FASTKD2: variants seen among roughly 807,000 people sequenced by gnomAD.
FASTKD2 encodes the protein FAST kinase domain-containing protein 2, mitochondrial.
A neutral mutation model predicts 63.6 loss-of-function variants in FASTKD2; 51 were observed. The ratio of observed to expected loss-of-function variants is 0.80; its 90% CI spans 0.64 to 1.01. FASTKD2 has a LOEUF of 1.01. Among genes scored for constraint, FASTKD2 ranks in the 50% least tolerant of loss-of-function variants. FASTKD2 has a pLI of 0.00. For missense variants in FASTKD2, 786 were observed against 831.1 expected (o/e 0.95, Z 0.67); for synonymous variants, 284 against 293.4 (o/e 0.97, Z 0.33).
At chr2:206,784,821 T>C (rs546250427) in intron 7 of FASTKD2, among the ~76,000 whole-genome samples, 1 of 152,358 alleles carries the variant, frequency 6.6e-6, no homozygotes, top group South Asian at 2.1e-4. Flanking sequence ...GCCAAGCACC[T>C]GGACACTTAG....
At position 206,795,436 on chromosome 2, in the gene FASTKD2, G is replaced by T. The variant is rs1574680450; in HGVS notation, c.*3634G>T. Among the ~76,000 whole-genome samples the T allele has an allele frequency of 6.6e-6, 1 of 152,212 alleles. No homozygotes were observed. The highest frequency in any genetic ancestry group is 1.5e-5 in the Non-Finnish European group (1 of 68,030). The stretch of plus-strand genomic sequence containing the variant: ...TTTAGCAGAAACAGGGTTTCACCAT[G>T]TTAGCCAGGATGGTCTCGATCTCCT... On this transcript the variant is annotated 3_prime_UTR_variant, in exon 12 of 12. Coordinates refer to ENST00000402774, the MANE Select transcript of FASTKD2 (RefSeq NM_001136193.2).
intron 10 of FASTKD2, 191 bp from the exon 11 acceptor site, chr2:206,790,381 G>T (rs374530696): frequency 4.7e-5 from 26 of 552,474 alleles, no homozygotes; most frequent in East Asian, 2.5e-4. Context: ...GTATATTTTT[G>T]ATTTATAAAG....
chr2:206,782,565 C>G (rs1218611412), intron 7 of FASTKD2, among the ~76,000 whole-genome samples: 1 of 152,164 alleles, frequency 6.6e-6, no homozygotes, highest in Non-Finnish European at 1.5e-5. Context: ...TCTTTCATAC[C>G]TCTGCTTTCT....
intron 7 of FASTKD2, among the ~76,000 whole-genome samples, chr2:206,777,834 A>T (rs1250025487): frequency 6.6e-6 from 1 of 151,948 alleles, no homozygotes; most frequent in Non-Finnish European, 1.5e-5. Flanking sequence ...CTTATTCATT[A>T]TTGGTTTGTT....
At chr2:206,786,157 G>C (rs749376511) in intron 7 of FASTKD2, among the ~76,000 whole-genome samples, 2 of 152,098 alleles carry the variant, frequency 1.3e-5, no homozygotes, top group Non-Finnish European at 2.9e-5. Flanking sequence ...GTGTCACTCT[G>C]GGCAAGCGAC....
At chr2:206,780,178 ATTTG>A (rs779350343) in intron 7 of FASTKD2, among the ~76,000 whole-genome samples, 156 of 152,188 alleles carry the variant, frequency 1.0e-3, no homozygotes, top group Non-Finnish European at 1.0e-3. Context: ...CATATCCTAT[ATTTG>A]TTTATGTATT....
At chr2:206,782,154 A>G (rs1466328501) in intron 7 of FASTKD2, among the ~76,000 whole-genome samples, 2 of 152,130 alleles carry the variant, frequency 1.3e-5, no homozygotes, top group African/African-American at 4.8e-5. Context: ...CAGCACAGTG[A>G]AAAGCCGGAT....
At chr2:206,784,093 A>G (rs1490651999) in intron 7 of FASTKD2, among the ~76,000 whole-genome samples, 1 of 152,268 alleles carries the variant, frequency 6.6e-6, no homozygotes, top group Admixed American at 6.5e-5. Flanking sequence ...AATATGGCAG[A>G]TATAGCAAGA....
intron 11 of FASTKD2, chr2:206,791,298 GTCT>G (rs1690279600): frequency 4.5e-6 from 1 of 221,250 alleles, no homozygotes; most frequent in South Asian, 6.9e-5. Flanking sequence ...AACATTCCAA[GTCT>G]TCTATTATTA....
At chr2:206,791,384 T>C in intron 11 of FASTKD2, 1 of 331,028 alleles carries the variant, frequency 3.0e-6, no homozygotes, top group Non-Finnish European at 5.6e-6. Flanking sequence ...AGTGGGCTAC[T>C]ATTTAAGACT....
intron 1 of FASTKD2, among the ~76,000 whole-genome samples, chr2:206,765,990 A>G (rs933391001): frequency 6.6e-6 from 1 of 151,968 alleles, no homozygotes; most frequent in African/African-American, 2.4e-5. Flanking sequence ...AAAATGATCT[A>G]TCAGCCGGGC....
Position 206,779,995 on chromosome 2 carries a change from T to A in FASTKD2, c.1427+5598T>A, listed in dbSNP as rs146156353. 1.5e-3 allele frequency among the ~76,000 whole-genome samples: 228 copies of A among 152,340 alleles called. 1 individual carries two copies. Among genetic ancestry groups the A allele is most frequent in the African/African-American group, 5.2e-3 (215 of 41,588 alleles). On this transcript the variant is annotated intron_variant, in intron 7 of 11. Transcript: ENST00000402774. ...TATTTTAAGCTGAAAACAACTTAAC[T>A]TCCATTGCATACAAAAGCTGTACAC...
intron 7 of FASTKD2, among the ~76,000 whole-genome samples, chr2:206,777,013 C>CTTGG (rs141593348): frequency 6.6e-6 from 1 of 151,604 alleles, no homozygotes; most frequent in African/African-American, 2.4e-5. Context: ...CTTTCACTTC[C>CTTGG]TTAAGTTTAT....
intron 7 of FASTKD2, among the ~76,000 whole-genome samples, chr2:206,779,019 A>G (rs933656149): frequency 3.3e-5 from 5 of 152,146 alleles, no homozygotes; most frequent in Non-Finnish European, 7.4e-5. Flanking sequence ...TGGATGTTCT[A>G]TAAATTATTG....
Position 206,767,116 on chromosome 2 carries a change from T to G in FASTKD2, c.423T>G (p.Asn141Lys). Reference protein sequence around the residue: ...KKVNLNHEVSNEDVLTKETKP... With the variant: ...KKVNLNHEVSKEDVLTKETKP... ...TAAACCTTAATCATGAAGTCTCCAA[T>G]GAAGATGTTCTTACCAAGGAAACAA... Residue 141 changes from asparagine to lysine, a missense_variant, in exon 2 of 12, where the codon AAT becomes AAG. Asn to Lys is a moderately conservative substitution (Grantham distance 94, BLOSUM62 0). Transcript: ENST00000402774. 6.2e-7 allele frequency: 1 copy of G among 1,614,052 alleles called. No individual in the cohort carries two copies.
rs1690331098 is a variant in FASTKD2 at position 206,793,030 on chromosome 2, T to C, written c.*1228T>C. Among the ~76,000 whole-genome samples the C allele has an allele frequency of 6.6e-6, 1 of 152,038 alleles. No individual in the cohort carries two copies. Among genetic ancestry groups the C allele is most frequent in the South Asian group, 2.1e-4 (1 of 4,832 alleles). ...TGAGGTCAGGAGGTCAAGACAATCC[T>C]GGCCAACACGGTGAAACCCCATCTC... is the stretch of plus-strand genomic sequence containing the variant. On this transcript the variant is annotated 3_prime_UTR_variant, in exon 12 of 12. Transcript: ENST00000402774.
chr2:206,780,099 TAC>T (rs1236274817), intron 7 of FASTKD2, among the ~76,000 whole-genome samples: 13 of 151,752 alleles, frequency 8.6e-5, no homozygotes, highest in South Asian at 2.1e-4. Flanking sequence ...TTTTTATAGT[TAC>T]AGTTATTCTT....
At position 206,788,169 on chromosome 2, in the gene FASTKD2, T is replaced by C. The variant is rs1057521261; in HGVS notation, c.1813+14T>C. 13 of 1,507,884 alleles carry C rather than the reference T, an allele frequency of 8.6e-6. No individual in the cohort carries two copies. In the South Asian group the frequency reaches 1.4e-4, roughly 16 times the overall value. 93.4% of individuals were successfully genotyped at this position (1,507,884 alleles called of 1,614,324 possible). ...ATTATCATATTGGTATGGGACATTA[T>C]ATGATTTCCTTTCATTTTATTGTAT... On this transcript the variant is annotated intron_variant, in intron 9 of 11. Coordinates refer to ENST00000402774, the MANE Select transcript of FASTKD2 (RefSeq NM_001136193.2).
intron 7 of FASTKD2, among the ~76,000 whole-genome samples, chr2:206,778,255 T>G (rs1463995157): frequency 6.6e-6 from 1 of 152,006 alleles, no homozygotes; most frequent in Non-Finnish European, 1.5e-5. Context: ...ATTTGATAGC[T>G]TTCTTTTTTT....
Sources: gnomAD v4.1 joint callset for allele counts (sites outside exome capture counted in the v4.1 genomes callset) on GRCh38, gnomAD v4.1.1 for gene constraint, MANE v1.5 for transcripts, NCBI Gene and HGNC (gene_info 2026-07-23, HGNC 2026-07-21) for gene names.